The following LMO3 variants were observed in gnomAD, a reference collection of about 807,000 sequenced individuals.
LMO3 encodes LIM domain only 3, also known as LIM domain only protein 3.
In LMO3, 2 loss-of-function variants were observed where a neutral mutation model predicts 15.8. The ratio of observed to expected loss-of-function variants is 0.13; its 90% confidence interval spans 0.05 to 0.40. LMO3 has a LOEUF of 0.40. Among genes scored for constraint, LMO3 ranks in the 10% least tolerant of loss-of-function variants. LMO3 has a pLI of 0.99. For missense variants in LMO3, 86 were observed against 182.2 expected, an observed-to-expected ratio of 0.47 and a Z score of 3.04; for synonymous variants, 62 against 63.8, an observed-to-expected ratio of 0.97 and a Z score of 0.13.
chr12:16,556,573 C>T lies in LMO3; in HGVS notation c.332+3840G>A, dbSNP rs117188262. ...AAACGCGTAATTCCACAACTTTAGA[C>T]GTCAATAAAGTTTGCTTAAGAGAAA... On this transcript the variant is annotated intron_variant, in intron 3 of 3. Coordinates refer to ENST00000537304, the MANE Select transcript of LMO3 (RefSeq NM_018640.5). Among the ~76,000 whole-genome samples, 23 of 152,260 alleles carry T rather than the reference C, an allele frequency of 1.5e-4. No individual in the cohort carries two copies. The East Asian group carries it at 3.5e-3, about 23-fold the overall frequency.
chr12:16,578,845 C>G (rs1196905446), intron 2 of LMO3, among the ~76,000 whole-genome samples: 1 of 151,756 alleles, frequency 6.6e-6, no homozygotes, highest in Non-Finnish European at 1.5e-5. Context: ...ACAACAACAA[C>G]AACAACAACA....
At chr12:16,588,210 T>A (rs1375282933) in intron 2 of LMO3, among the ~76,000 whole-genome samples, 2 of 151,944 alleles carry the variant, frequency 1.3e-5, no homozygotes, top group African/African-American at 4.8e-5. Flanking sequence ...TTCATAATTT[T>A]TAAAATGTAT....
rs539767960 is a variant in LMO3, at chr12:16,582,214, C to CT, written c.206+18440dup. ...GAAATGGCTGAATTTTATCAATTGC[C>CT]TTTTTGGTACAGACTGCCATAACTA... is the stretch of plus-strand genomic sequence containing the variant. On this transcript the variant is annotated intron_variant, in intron 2 of 3. Coordinates refer to ENST00000537304, the MANE Select transcript of LMO3 (RefSeq NM_018640.5). The surrounding 1 kb of genome is among the most constrained non-coding windows in gnomAD (Gnocchi z 4.1). 1.1e-4 allele frequency among the ~76,000 whole-genome samples: 17 copies of CT among 152,232 alleles called. No homozygotes were observed. The East Asian group carries it at 3.3e-3, about 29-fold the overall frequency.
chr12:16,594,158 C>T lies in LMO3; in HGVS notation c.206+6497G>A, dbSNP rs1409003379. The stretch of plus-strand genomic sequence containing the variant: ...TTACCAAGCTATGGTGATTTGTTGG[C>T]TAAAGTCAATGATGACAAAAGGTAA... On this transcript the variant is annotated intron_variant, in intron 2 of 3. Coordinates refer to ENST00000537304, the MANE Select transcript of LMO3 (RefSeq NM_018640.5). The T allele has an allele frequency of 2.0e-6, 3 of 1,532,520 alleles. No homozygotes were observed. In the East Asian group the frequency reaches 7.4e-5, roughly 38 times the overall value. The allele number at this position is 1,532,520 out of a possible 1,614,324, so 94.9% of individuals were successfully genotyped here.
Position 16,559,500 on chromosome 12 carries a change from T to G in LMO3, c.332+913A>C, listed in dbSNP as rs1942310572. Among the ~76,000 whole-genome samples the G allele has an allele frequency of 6.6e-6, 1 of 152,184 alleles. No homozygotes were observed. The highest frequency in any genetic ancestry group is 2.1e-4 in the South Asian group (1 of 4,832). On this transcript the variant is annotated intron_variant, in intron 3 of 3. Coordinates refer to ENST00000537304, the MANE Select transcript of LMO3 (RefSeq NM_018640.5). The surrounding 1 kb of genome is among the most constrained non-coding windows in gnomAD (Gnocchi z 4.1). ...AGCTTATTAGTGGCAGAGCCCATAT[T>G]AGAATTTAGGTTTCCAGGTTCCCTG...
At chr12:16,566,282 C>A (rs957135479) in intron 2 of LMO3, among the ~76,000 whole-genome samples, 6 of 151,238 alleles carry the variant, frequency 4.0e-5, no homozygotes, top group African/African-American at 1.5e-4. Flanking sequence ...AGAGATTGGT[C>A]AATGGGGCCA....
chr12:16,563,479 G>A (rs1338733371), intron 2 of LMO3, among the ~76,000 whole-genome samples: 1 of 152,116 alleles, frequency 6.6e-6, no homozygotes, highest in African/African-American at 2.4e-5. Context: ...GACAGGCATA[G>A]TTCTCCTTTG....
At position 16,560,569 on chromosome 12, in the gene LMO3, A is replaced by C; in HGVS notation, c.207-31T>G. The C allele has an allele frequency of 2.5e-6, 4 of 1,573,856 alleles. No homozygotes were observed. Among genetic ancestry groups the C allele is most frequent in the Non-Finnish European group, 3.5e-6 (4 of 1,149,702 alleles). Reference sequence around the variant, plus strand: ...ATAAGAAACATTTTTTTTTTTTTACAAACTCTTACAGAGAAATCTGAGATC... The same window carrying C: ...ATAAGAAACATTTTTTTTTTTTTACCAACTCTTACAGAGAAATCTGAGATC... On this transcript the variant is annotated intron_variant, in intron 2 of 3. Transcript: ENST00000537304. This position sits in a 1 kb window ranked among gnomAD's most constrained non-coding sequence, Gnocchi z 5.0.
At chr12:16,605,881 C>A (rs1270278196) in intron 1 of LMO3, 185 bp downstream of exon 1, 9 of 1,487,628 alleles carry the variant, frequency 6.0e-6, no homozygotes, top group African/African-American at 2.8e-5. Flanking sequence ...TAAACAAAAC[C>A]GTCTCAGTAG....
chr12:16,606,543 C>G (rs930334576), upstream of LMO3: 2 of 152,000 alleles, frequency 1.3e-5, no homozygotes, highest in African/African-American at 4.8e-5. Context: ...CCCCACCCCT[C>G]CCCTCTTCTT....
In LMO3 at chr12:16,606,061, C is replaced by T; in HGVS notation, c.-9+5G>A. 1 of 525,838 alleles carries T rather than the reference C, an allele frequency of 1.9e-6. No individual in the cohort carries two copies. The highest frequency in any genetic ancestry group is 3.4e-6 in the Non-Finnish European group (1 of 293,006). The allele number at this position is 525,838 out of a possible 1,614,324, so 32.6% of individuals were successfully genotyped here. A position where few individuals can be genotyped will look rare whatever the true frequency, so the allele number is the denominator to read the frequency against. ...GACGCGTGTGTACACAGTTGCTGCA[C>T]TTACCTTCTCAATTAAGCGATACAG... On this transcript the variant is annotated splice_donor_5th_base_variant and intron_variant, in intron 1 of 3. Coordinates refer to ENST00000537304, the MANE Select transcript of LMO3 (RefSeq NM_018640.5).
chr12:16,560,126 C>T lies in LMO3; in HGVS notation c.332+287G>A, dbSNP rs1032048312. Among the ~76,000 whole-genome samples, 1 of 152,036 alleles carries T rather than the reference C, an allele frequency of 6.6e-6. No homozygotes were observed. Among genetic ancestry groups the T allele is most frequent in the African/African-American group, 2.4e-5 (1 of 41,402 alleles). ...ATATTTAAAACTACTTTTAAAAAGA[C>T]AGGAAAATAATAAAAGAAGGAATGA... On this transcript the variant is annotated intron_variant, in intron 3 of 3. Coordinates refer to ENST00000537304, the MANE Select transcript of LMO3 (RefSeq NM_018640.5). The surrounding 1 kb of genome is among the most constrained non-coding windows in gnomAD (Gnocchi z 5.0).
At position 16,602,589 on chromosome 12, in the gene LMO3, T is replaced by TA. The variant is rs1943857997; in HGVS notation, c.-8-1722dup. Among the ~76,000 whole-genome samples the TA allele has an allele frequency of 5.9e-5, 9 of 152,344 alleles. No individual in the cohort carries two copies. The South Asian group carries it at 1.9e-3, about 32-fold the overall frequency. Reference sequence around the variant, plus strand: ...CTGGATTTGTAAGAAGAGCAGGTGGTATCCCTATAGCCTGCTTTCTGTTCC... The same window carrying TA: ...CTGGATTTGTAAGAAGAGCAGGTGGTAATCCCTATAGCCTGCTTTCTGTTCC... On this transcript the variant is annotated intron_variant, in intron 1 of 3. Coordinates refer to ENST00000537304, the MANE Select transcript of LMO3 (RefSeq NM_018640.5).
intron 2 of LMO3, among the ~76,000 whole-genome samples, chr12:16,580,432 A>T (rs532737273): frequency 6.6e-6 from 1 of 152,334 alleles, no homozygotes; most frequent in African/African-American, 2.4e-5. Context: ...AATGTCATGA[A>T]AATGACAATG....
intron 2 of LMO3, among the ~76,000 whole-genome samples, chr12:16,564,218 G>A (rs1942508292): frequency 6.6e-6 from 1 of 152,076 alleles, no homozygotes; most frequent in African/African-American, 2.4e-5. Context: ...TAAGAACACG[G>A]CCTACCTGTA....
chr12:16,590,345 A>C (rs1038062505), intron 2 of LMO3, among the ~76,000 whole-genome samples: 1 of 152,072 alleles, frequency 6.6e-6, no homozygotes, highest in Non-Finnish European at 1.5e-5. Context: ...TAATTCACGA[A>C]ATTGTTTTAA....
At chr12:16,558,210 T>G (rs999540895) in intron 3 of LMO3, among the ~76,000 whole-genome samples, 1 of 152,218 alleles carries the variant, frequency 6.6e-6, no homozygotes, top group African/African-American at 2.4e-5. Flanking sequence ...ATTTGTCCTA[T>G]AGACATAGGA....
At chr12:16,608,698 AAGG>A (rs1356835840), upstream of LMO3, 2 of 151,968 alleles carry the variant, frequency 1.3e-5, no homozygotes, top group African/African-American at 2.4e-5. The surrounding 1 kb of genome is among the most constrained non-coding windows in gnomAD (Gnocchi z 4.1). Flanking sequence ...ACTGCCAAGC[AAGG>A]AGGAGAGAGA....
rs1175019743 is a variant in LMO3, at chr12:16,550,412, A to C, written c.*810T>G. 6.6e-6 allele frequency: 1 copy of C among 152,462 alleles called. No individual in the cohort carries two copies. Among genetic ancestry groups the C allele is most frequent in the Non-Finnish European group, 1.5e-5 (1 of 67,922 alleles). 9.4% of individuals were successfully genotyped at this position (152,462 alleles called of 1,614,324 possible). A position where few individuals can be genotyped will look rare whatever the true frequency, so the allele number is the denominator to read the frequency against. ...AGTTCACATAAGGGGTGTGGCTGAAAAAGCAAAACAAAGCCATTGTGTAAG... is the reference window on the plus strand; with the variant it reads ...AGTTCACATAAGGGGTGTGGCTGAACAAGCAAAACAAAGCCATTGTGTAAG... On this transcript the variant is annotated 3_prime_UTR_variant, in exon 4 of 4. Transcript: ENST00000537304.
Sources: gnomAD v4.1 joint callset for allele counts (sites outside exome capture counted in the v4.1 genomes callset) on GRCh38, gnomAD v4.1.1 for gene constraint, Gnocchi (gnomAD v3.1) non-coding constraint, MANE v1.5 for transcripts, NCBI Gene and HGNC (gene_info 2026-07-23, HGNC 2026-07-21) for gene names.